TSPEAR: variants seen among roughly 807,000 people sequenced by gnomAD.
The protein encoded by TSPEAR is thrombospondin type laminin G domain and EAR repeats.
TSPEAR carries 69 observed loss-of-function variants against 71.6 expected under a neutral mutation model. That is an observed-to-expected ratio of 0.96 (90% CI 0.79 to 1.18). TSPEAR has a LOEUF of 1.18. Ranked by LOEUF, TSPEAR falls within the 50% of genes most tolerant of loss-of-function variation. The pLI, the probability that TSPEAR is intolerant of heterozygous loss-of-function variation, is 0.00. For missense variants in TSPEAR, 971 were observed against 894.9 expected (o/e 1.09, Z -1.09); for synonymous variants, 402 against 387.2 (o/e 1.04, Z -0.45).
At chr21:44,558,313 A>C (rs782571221) in intron 2 of TSPEAR, 33 of 1,614,146 alleles carry the variant, frequency 2.0e-5, no homozygotes, top group East Asian at 1.1e-4. Context: ...TGGCAGCATG[A>C]AGAGGAAGCC....
At chr21:44,629,362 G>C (rs972133350) in intron 1 of TSPEAR, among the ~76,000 whole-genome samples, 11 of 152,166 alleles carry the variant, frequency 7.2e-5, no homozygotes, top group Non-Finnish European at 1.2e-4. Context: ...GGTGTGGCAG[G>C]GCTGGTTCCC....
At chr21:44,635,110 C>T (rs587765822) in intron 1 of TSPEAR, among the ~76,000 whole-genome samples, 5 of 151,992 alleles carry the variant, frequency 3.3e-5, no homozygotes, top group South Asian at 2.1e-4. Context: ...TTTGGGAGGC[C>T]GAGGCGGGAG....
Position 44,673,776 on chromosome 21 carries a change from ATAAC to A in TSPEAR, c.82+37653_82+37656del, listed in dbSNP as rs200371372. ...ATATCAAGTATCTTCTCAGACCACA[ATAAC>A]TAAAACTAGATATTAATAACAAGAA... On this transcript the variant is annotated intron_variant, in intron 1 of 11. Coordinates refer to ENST00000323084, the MANE Select transcript of TSPEAR (RefSeq NM_144991.3). Among the ~76,000 whole-genome samples the A allele has an allele frequency of 3.5e-3, 533 of 152,326 alleles. 5 individuals are homozygous for A. Among genetic ancestry groups the A allele is most frequent in the African/African-American group, 0.012 (514 of 41,572 alleles).
At chr21:44,583,212 C>G (rs1445080521) in intron 1 of TSPEAR, among the ~76,000 whole-genome samples, 1 of 152,162 alleles carries the variant, frequency 6.6e-6, no homozygotes, top group African/African-American at 2.4e-5. Context: ...AGGGATTAAA[C>G]AGCCCTGGCT....
At position 44,681,687 on chromosome 21, in the gene TSPEAR, A is replaced by G. The variant is rs7282994; in HGVS notation, c.82+29746T>C. ...TTCAGCCAGGGCTCCAGATCATTCT[A>G]TTATATTCTCGATCCAGAATTCAGA... On this transcript the variant is annotated intron_variant, in intron 1 of 11. Transcript: ENST00000323084. 4.0e-3 allele frequency: 4,444 copies of G among 1,120,744 alleles called. 130 individuals carry two copies. The African/African-American group carries it at 0.062, about 16-fold the overall frequency. The allele number at this position is 1,120,744 out of a possible 1,614,324, so 69.4% of individuals were successfully genotyped here.
intron 1 of TSPEAR, among the ~76,000 whole-genome samples, chr21:44,678,560 A>G (rs1986433131): frequency 6.6e-6 from 1 of 152,190 alleles, no homozygotes; most frequent in African/African-American, 2.4e-5. Flanking sequence ...AGTCTCAGGT[A>G]TCTTTATAGC....
intron 1 of TSPEAR, among the ~76,000 whole-genome samples, chr21:44,707,073 T>C (rs1987961491): frequency 6.6e-6 from 1 of 152,216 alleles, no homozygotes; most frequent in South Asian, 2.1e-4. Context: ...CAGTGAGGAA[T>C]CCCGTGGGGT....
chr21:44,628,988 G>A (rs1983087959), intron 1 of TSPEAR, among the ~76,000 whole-genome samples: 2 of 152,148 alleles, frequency 1.3e-5, no homozygotes, highest in Admixed American at 6.5e-5. Flanking sequence ...CGATGACAGA[G>A]GAGTCCCAGG....
intron 2 of TSPEAR, chr21:44,539,866 G>T (rs1162326120): frequency 1.3e-6 from 2 of 1,579,136 alleles, no homozygotes; most frequent in Non-Finnish European, 1.7e-6. Flanking sequence ...AGGCCTGCTG[G>T]CAGGGGGAGG....
chr21:44,691,938 G>A (rs985240042), intron 1 of TSPEAR, among the ~76,000 whole-genome samples: 2 of 152,132 alleles, frequency 1.3e-5, no homozygotes, highest in African/African-American at 4.8e-5. Context: ...TGACTTGTAA[G>A]TACAGATGCA....
At chr21:44,677,644 G>A in intron 1 of TSPEAR, 5 of 1,217,236 alleles carry the variant, frequency 4.1e-6, no homozygotes, top group Non-Finnish European at 4.9e-6. Context: ...TGAACCCCAG[G>A]GACCAACACT....
At chr21:44,521,241 C>T (rs587670700) in intron 9 of TSPEAR, among the ~76,000 whole-genome samples, 5 of 152,322 alleles carry the variant, frequency 3.3e-5, no homozygotes, top group East Asian at 1.9e-4. Context: ...GTGGGAGATG[C>T]GCCCCCACCT....
Position 44,623,833 on chromosome 21 carries a change from T to A in TSPEAR, c.83-55828A>T, listed in dbSNP as rs1982602762. ...AATATTTCTTTTTTTTTCCCTTGGC[T>A]GTTTTTAAATTTTTCTCTGTCTTTG... On this transcript the variant is annotated intron_variant, in intron 1 of 11. Coordinates refer to ENST00000323084, the MANE Select transcript of TSPEAR (RefSeq NM_144991.3). The surrounding 1 kb of genome is among the most constrained non-coding windows in gnomAD (Gnocchi z 4.5). 1.3e-5 allele frequency among the ~76,000 whole-genome samples: 2 copies of A among 152,210 alleles called. No individual in the cohort carries two copies. Among genetic ancestry groups the A allele is most frequent in the Non-Finnish European group, 2.9e-5 (2 of 68,036 alleles).
At chr21:44,548,609 C>T (rs145045367) in intron 2 of TSPEAR, among the ~76,000 whole-genome samples, 15 of 152,246 alleles carry the variant, frequency 9.9e-5, no homozygotes, top group African/African-American at 2.2e-4. Context: ...TGAACAAATC[C>T]GAGAGTAGAC....
chr21:44,682,115 G>A, intron 1 of TSPEAR: 2 of 1,613,560 alleles, frequency 1.2e-6, no homozygotes, highest in Non-Finnish European at 8.5e-7. Flanking sequence ...AGCAGCTGGT[G>A]TGGCACATGG....
At chr21:44,675,217 A>T (rs1555946706) in intron 1 of TSPEAR, among the ~76,000 whole-genome samples, 1 of 152,230 alleles carries the variant, frequency 6.6e-6, no homozygotes, top group East Asian at 1.9e-4. Flanking sequence ...CATCGAAAAG[A>T]TAATATACCA....
At chr21:44,614,611 C>T (rs960047713) in intron 1 of TSPEAR, among the ~76,000 whole-genome samples, 1 of 152,220 alleles carries the variant, frequency 6.6e-6, no homozygotes, top group African/African-American at 2.4e-5. Context: ...TCTGACGGGG[C>T]CTGCCTGGGG....
At chr21:44,514,494 C>G (rs1555913108) in intron 9 of TSPEAR, among the ~76,000 whole-genome samples, 1 of 152,210 alleles carries the variant, frequency 6.6e-6, no homozygotes, top group Non-Finnish European at 1.5e-5. Flanking sequence ...GTGGCTGCTG[C>G]TGGCCTTGTG....
intron 1 of TSPEAR, among the ~76,000 whole-genome samples, chr21:44,621,880 C>T (rs1220477527): frequency 6.6e-6 from 1 of 152,120 alleles, no homozygotes; most frequent in East Asian, 1.9e-4. Flanking sequence ...CCAACGCAAT[C>T]AATACATAGA....
Sources: allele counts gnomAD v4.1 joint callset (sites outside exome capture counted in the v4.1 genomes callset), GRCh38; gene constraint gnomAD v4.1.1; non-coding constraint Gnocchi (gnomAD v3.1); transcripts MANE v1.5; gene names NCBI Gene and HGNC (gene_info 2026-07-23, HGNC 2026-07-21).